Variants in EYS observed in about 807,000 individuals in gnomAD.
EYS encodes the protein protein eyes shut homolog.
In EYS, 250 loss-of-function variants were observed where a neutral mutation model predicts 282.1. The observed-to-expected ratio is 0.89, with a 90% CI of 0.80 to 0.98. The LOEUF is 0.98. EYS is among the 50% of genes least tolerant of loss of function. The probability of loss-of-function intolerance (pLI) is 0.00; values close to 1 mark genes in which losing one functional copy is unlikely to be tolerated. For synonymous variants in EYS, 1,355 were observed against 1,282.9 expected, an observed-to-expected ratio of 1.06 and a Z score of -1.20; for missense variants, 4,016 against 3,709.0, an observed-to-expected ratio of 1.08 and a Z score of -2.15.
chr6:63,727,740 ATAT>A (rs1768673183), intron 41 of EYS, among the ~76,000 whole-genome samples: 1 of 94,870 alleles, frequency 1.1e-5, no homozygotes. Context: ...AAAAAAAAAT[ATAT>A]ATATATATGT....
intron 12 of EYS, among the ~76,000 whole-genome samples, chr6:65,184,257 G>A (rs1016291973): frequency 6.6e-6 from 1 of 151,812 alleles, no homozygotes; most frequent in South Asian, 2.1e-4. Context: ...AAGATCAAGC[G>A]GCCAGCATTT....
intron 21 of EYS, among the ~76,000 whole-genome samples, chr6:64,819,514 T>C (rs974588971): frequency 3.9e-5 from 6 of 152,148 alleles, no homozygotes; most frequent in Non-Finnish European, 8.8e-5. Context: ...ACAGACCCTT[T>C]GATAAAATTT....
chr6:63,750,182 T>A (rs913948918), intron 41 of EYS, among the ~76,000 whole-genome samples: 1 of 152,222 alleles, frequency 6.6e-6, no homozygotes, highest in East Asian at 1.9e-4. Flanking sequence ...GCCTATGTTA[T>A]CTTTTTAACA....
At chr6:65,159,494 A>G (rs553223842) in intron 12 of EYS, among the ~76,000 whole-genome samples, 2 of 151,034 alleles carry the variant, frequency 1.3e-5, no homozygotes, top group East Asian at 2.0e-4. Context: ...GACTGTACAA[A>G]GTCAGGAGGC....
At chr6:65,416,596 C>T (rs2150373888) in intron 5 of EYS, among the ~76,000 whole-genome samples, 1 of 152,052 alleles carries the variant, frequency 6.6e-6, no homozygotes, top group African/African-American at 2.4e-5. Context: ...AAAAAAATCA[C>T]AATGAATAAA....
chr6:64,723,196 T>C (rs765902040), intron 22 of EYS, among the ~76,000 whole-genome samples: 10 of 152,078 alleles, frequency 6.6e-5, no homozygotes, highest in Non-Finnish European at 1.5e-4. Flanking sequence ...AACTTTGCCA[T>C]AATGACTTAT....
chr6:65,583,443 G>A (rs893751313), intron 2 of EYS, among the ~76,000 whole-genome samples: 2 of 151,916 alleles, frequency 1.3e-5, no homozygotes, highest in African/African-American at 4.8e-5. Context: ...ACACCTTAAG[G>A]ATGCCAAAAG....
rs115484199 is a variant in EYS, at chr6:64,462,630, T to C, written c.5645-23278A>G. Among the ~76,000 whole-genome samples, 1,023 of 152,216 alleles carry C rather than the reference T, an allele frequency of 6.7e-3. 8 individuals carry two copies. Among genetic ancestry groups the C allele is most frequent in the Non-Finnish European group, 0.012 (800 of 68,006 alleles). On this transcript the variant is annotated intron_variant, in intron 26 of 42. Transcript: ENST00000503581. Reference sequence around the variant, plus strand: ...CATCATGCTTCACCAGTTTTCTCACTGCCAATTTCAGTTTCCAAATTCTCA... The same window carrying C: ...CATCATGCTTCACCAGTTTTCTCACCGCCAATTTCAGTTTCCAAATTCTCA...
At chr6:65,350,594 C>G (rs985338517) in intron 9 of EYS, among the ~76,000 whole-genome samples, 1 of 151,522 alleles carries the variant, frequency 6.6e-6, no homozygotes, top group Non-Finnish European at 1.5e-5. Flanking sequence ...CTCTTATTTT[C>G]TTTTTTTGTC....
intron 31 of EYS, among the ~76,000 whole-genome samples, chr6:64,150,913 G>A (rs1454768148): frequency 6.6e-6 from 1 of 152,072 alleles, no homozygotes; most frequent in African/African-American, 2.4e-5. Flanking sequence ...AATTTTATGA[G>A]GAACTTGTCA....
chr6:64,793,684 T>C (rs1774259710), intron 22 of EYS, among the ~76,000 whole-genome samples: 1 of 152,214 alleles, frequency 6.6e-6, no homozygotes, highest in Admixed American at 6.5e-5. Context: ...TCATTGTTCA[T>C]AGTTGATGTC....
intron 13 of EYS, among the ~76,000 whole-genome samples, chr6:65,030,267 G>A (rs1357987361): frequency 6.6e-6 from 1 of 152,108 alleles, no homozygotes; most frequent in Non-Finnish European, 1.5e-5. Flanking sequence ...TTGCAGCACA[G>A]TGTCAGATGC....
chr6:65,282,526 T>C (rs1234916463), intron 12 of EYS, among the ~76,000 whole-genome samples: 1 of 152,046 alleles, frequency 6.6e-6, no homozygotes, highest in African/African-American at 2.4e-5. Flanking sequence ...TTTTTAAGTA[T>C]GTTATTGTGT....
intron 26 of EYS, among the ~76,000 whole-genome samples, chr6:64,461,720 A>G (rs919204349): frequency 1.1e-4 from 17 of 152,210 alleles, no homozygotes; most frequent in African/African-American, 4.1e-4. Flanking sequence ...ATCTTTACTC[A>G]GAAGACCTAG....
chr6:65,569,335 G>C (rs980558885), intron 2 of EYS, among the ~76,000 whole-genome samples: 1 of 151,876 alleles, frequency 6.6e-6, no homozygotes, highest in African/African-American at 2.4e-5. Flanking sequence ...GACTCAGCCC[G>C]CCTGCACCCA....
intron 1 of EYS, among the ~76,000 whole-genome samples, chr6:65,684,984 C>T (rs1358579130): frequency 6.6e-6 from 1 of 151,938 alleles, no homozygotes; most frequent in Non-Finnish European, 1.5e-5. Context: ...TGAATGAAAA[C>T]AGGCAGCCTA....
intron 36 of EYS, among the ~76,000 whole-genome samples, chr6:63,855,736 G>A (rs1167895233): frequency 6.6e-6 from 1 of 152,182 alleles, no homozygotes; most frequent in Non-Finnish European, 1.5e-5. Context: ...ATGCAAAATA[G>A]TTTAAAGAGT....
intron 29 of EYS, among the ~76,000 whole-genome samples, chr6:64,384,875 C>A (rs1772859877): frequency 1.3e-5 from 2 of 152,152 alleles, no homozygotes; most frequent in African/African-American, 4.8e-5. Context: ...ATTAAACAAC[C>A]TGTCAGCACA....
chr6:65,510,985 G>C (rs1365478345), intron 2 of EYS, among the ~76,000 whole-genome samples: 1 of 152,060 alleles, frequency 6.6e-6, no homozygotes, highest in Non-Finnish European at 1.5e-5. Context: ...ACACTTTAAG[G>C]CGAGGGTTAA....
Sources: gnomAD v4.1 joint callset for allele counts (sites outside exome capture counted in the v4.1 genomes callset) on GRCh38, gnomAD v4.1.1 for gene constraint, MANE v1.5 for transcripts, NCBI Gene and HGNC (gene_info 2026-07-23, HGNC 2026-07-21) for gene names.